The following RHBDD1 variants were observed in gnomAD, a reference collection of about 807,000 sequenced individuals.
RHBDD1 encodes the protein rhomboid-related protein 4.
In RHBDD1, 38 loss-of-function variants were observed where a neutral mutation model predicts 36.3. The ratio of observed to expected loss-of-function variants is 1.05; its 90% confidence interval spans 0.81 to 1.37. The LOEUF (loss-of-function observed/expected upper bound fraction) is 1.37. RHBDD1 is among the 40% of genes most tolerant of loss of function. The pLI, the probability that RHBDD1 is intolerant of heterozygous loss-of-function variation, is 0.00. For missense variants in RHBDD1, 393 were observed against 377.6 expected (o/e 1.04, Z -0.34); for synonymous variants, 151 against 136.5 (o/e 1.11, Z -0.74).
the RHBDD1 span, among the ~76,000 whole-genome samples, chr2:226,815,725 G>C: frequency 2.6e-5 from 4 of 151,966 alleles, no homozygotes; most frequent in East Asian, 7.7e-4. Flanking sequence ...AAAAAAAAAT[G>C]TTATTTGAAG....
At chr2:226,849,576 G>T (rs1048590434) in intron 3 of RHBDD1, among the ~76,000 whole-genome samples, 1 of 152,216 alleles carries the variant, frequency 6.6e-6, no homozygotes, top group African/African-American at 2.4e-5. Context: ...CTAGCCTCCA[G>T]ACCCTGCATT....
At chr2:226,920,336 A>G (rs369523255) in intron 8 of RHBDD1, among the ~76,000 whole-genome samples, 5 of 152,046 alleles carry the variant, frequency 3.3e-5, no homozygotes, top group African/African-American at 1.2e-4. Flanking sequence ...CTGCAAACAA[A>G]GATAATTTGG....
chr2:226,848,906 C>T (rs1942506010), intron 3 of RHBDD1, among the ~76,000 whole-genome samples: 1 of 152,138 alleles, frequency 6.6e-6, no homozygotes, highest in Non-Finnish European at 1.5e-5. Context: ...AGTTTGAGAG[C>T]AGTTCTACTA....
Position 226,944,342 on chromosome 2 carries a change from C to T in RHBDD1, c.856+29991C>T, listed in dbSNP as rs1304179871. 2.0e-5 allele frequency among the ~76,000 whole-genome samples: 3 copies of T among 152,116 alleles called. No homozygotes were observed. In the East Asian group the frequency reaches 5.8e-4, roughly 29 times the overall value. On this transcript the variant is annotated intron_variant, in intron 8 of 8. Coordinates refer to ENST00000392062, the MANE Select transcript of RHBDD1 (RefSeq NM_001167608.3). ...CTGCTTGAACCTGAGGCTCTGTGCCCCTAGAGGAGCAGCGGTTGTACAATT... is the reference window on the plus strand; with the variant it reads ...CTGCTTGAACCTGAGGCTCTGTGCCTCTAGAGGAGCAGCGGTTGTACAATT...
intron 5 of RHBDD1, among the ~76,000 whole-genome samples, chr2:226,892,990 A>G (rs1946813948): frequency 6.6e-6 from 1 of 152,212 alleles, no homozygotes; most frequent in Admixed American, 6.5e-5. Context: ...CAAGAGTAGA[A>G]CCTGGGAAGG....
chr2:226,820,203 G>A, the RHBDD1 span, among the ~76,000 whole-genome samples: 1 of 152,106 alleles, frequency 6.6e-6, no homozygotes, highest in Non-Finnish European at 1.5e-5. Context: ...AAAGTACACA[G>A]CACACACTCA....
At chr2:226,880,761 CAAAG>C (rs1945656020) in intron 5 of RHBDD1, among the ~76,000 whole-genome samples, 1 of 152,148 alleles carries the variant, frequency 6.6e-6, no homozygotes, top group Non-Finnish European at 1.5e-5. Flanking sequence ...GTATTCTTTT[CAAAG>C]AGATTTAGTA....
chr2:226,835,283 C>T (rs754908822), upstream of RHBDD1, among the ~76,000 whole-genome samples: 2 of 152,130 alleles, frequency 1.3e-5, no homozygotes, highest in African/African-American at 4.8e-5. Flanking sequence ...ACTCCTACAG[C>T]TAAACATAAA....
chr2:226,800,588 C>CG, the RHBDD1 span, among the ~76,000 whole-genome samples: 12 of 152,198 alleles, frequency 7.9e-5, no homozygotes, highest in East Asian at 1.5e-3. Context: ...ATCCGTGTGA[C>CG]GGGGGGACTC....
chr2:226,928,882 C>G (rs1949839301), intron 8 of RHBDD1, among the ~76,000 whole-genome samples: 1 of 152,068 alleles, frequency 6.6e-6, no homozygotes, highest in Admixed American at 6.6e-5. Context: ...CACCTCTATG[C>G]ATACAAACTA....
the RHBDD1 span, among the ~76,000 whole-genome samples, chr2:226,802,160 T>C: frequency 6.6e-6 from 1 of 152,206 alleles, no homozygotes; most frequent in African/African-American, 2.4e-5. Context: ...ATTTTGATCA[T>C]AAAAAGCTAA....
intron 8 of RHBDD1, among the ~76,000 whole-genome samples, chr2:226,929,896 A>G (rs1440656795): frequency 1.3e-5 from 2 of 151,980 alleles, no homozygotes; most frequent in Admixed American, 6.6e-5. Flanking sequence ...CTTTTATGAT[A>G]GCTGCAAACA....
chr2:226,866,230 C>A (rs185632854), intron 4 of RHBDD1, among the ~76,000 whole-genome samples: 4 of 152,210 alleles, frequency 2.6e-5, no homozygotes, highest in African/African-American at 9.6e-5. Flanking sequence ...CACCACCATG[C>A]CCAGCTAATT....
chr2:226,940,541 T>C (rs1444680062), intron 8 of RHBDD1, among the ~76,000 whole-genome samples: 2 of 152,206 alleles, frequency 1.3e-5, no homozygotes, highest in Non-Finnish European at 2.9e-5. Context: ...TGTGTGTGTG[T>C]GTGTATCTCA....
At chr2:226,939,475 CCAA>C (rs1225669792) in intron 8 of RHBDD1, among the ~76,000 whole-genome samples, 2 of 152,160 alleles carry the variant, frequency 1.3e-5, no homozygotes, top group Non-Finnish European at 2.9e-5. Flanking sequence ...TTCCTATACA[CCAA>C]CAACAGACAA....
At chr2:226,803,869 C>T in the RHBDD1 span, among the ~76,000 whole-genome samples, 29 of 152,244 alleles carry the variant, frequency 1.9e-4, no homozygotes, top group East Asian at 5.2e-3. Context: ...GCTTCTCAAA[C>T]CCGAGGATCT....
chr2:226,957,044 C>A (rs1951831665), intron 8 of RHBDD1, among the ~76,000 whole-genome samples: 1 of 152,156 alleles, frequency 6.6e-6, no homozygotes, highest in African/African-American at 2.4e-5. Flanking sequence ...TGGAATTTCC[C>A]ATTTGTAATA....
At chr2:226,824,453 A>G in the RHBDD1 span, among the ~76,000 whole-genome samples, 1 of 152,228 alleles carries the variant, frequency 6.6e-6, no homozygotes, top group South Asian at 2.1e-4. Context: ...TTACTTAATT[A>G]GCTCTCAAAG....
chr2:226,967,359 C>T (rs1381553675), intron 8 of RHBDD1, among the ~76,000 whole-genome samples: 2 of 152,074 alleles, frequency 1.3e-5, no homozygotes, highest in Non-Finnish European at 2.9e-5. Context: ...AATAAAATAT[C>T]TGAAGTTGAG....
Sources: allele counts gnomAD v4.1 joint callset (sites outside exome capture counted in the v4.1 genomes callset), GRCh38; gene constraint gnomAD v4.1.1; transcripts MANE v1.5; gene names NCBI Gene and HGNC (gene_info 2026-07-23, HGNC 2026-07-21).